Variants in MMP24 observed in about 807,000 individuals in gnomAD.
The protein encoded by MMP24 is matrix metalloproteinase-24.
A neutral mutation model predicts 62.8 loss-of-function variants in MMP24; 25 were observed. That is an observed-to-expected ratio of 0.40 (90% confidence interval 0.29 to 0.56). MMP24 has a LOEUF of 0.56. Ranked by LOEUF, MMP24 falls within the 20% of genes least tolerant of loss-of-function variation. The pLI is 0.50. For synonymous variants in MMP24, 319 were observed against 350.5 expected (o/e 0.91, Z 1.00); for missense variants, 634 against 853.6 (o/e 0.74, Z 3.21).
Position 35,269,674 on chromosome 20 carries a change from T to C in MMP24, c.1195-86T>C. On this transcript the variant is annotated intron_variant, in intron 6 of 8. Transcript: ENST00000246186. This position sits in a 1 kb window ranked among gnomAD's most constrained non-coding sequence, Gnocchi z 4.6. ...ACAGTCTCGGTGGAGGGCTGGGCTG[T>C]TGGGACCTAAGCCCCACAGCTGCAA... The C allele has an allele frequency of 2.0e-6, 3 of 1,482,234 alleles. No homozygotes were observed. Among genetic ancestry groups the C allele is most frequent in the Non-Finnish European group, 2.7e-6 (3 of 1,102,980 alleles). 91.8% of individuals were successfully genotyped at this position (1,482,234 alleles called of 1,614,324 possible). A position where few individuals can be genotyped will look rare whatever the true frequency, so the allele number is the denominator to read the frequency against.
At chr20:35,260,764 G>A (rs541711681) in intron 4 of MMP24, among the ~76,000 whole-genome samples, 1 of 152,242 alleles carries the variant, frequency 6.6e-6, no homozygotes, top group African/African-American at 2.4e-5. Flanking sequence ...TTGCTCAAAG[G>A]TGGCTTCACA....
chr20:35,232,187 C>T (rs1482431051), intron 1 of MMP24, among the ~76,000 whole-genome samples: 3 of 152,140 alleles, frequency 2.0e-5, no homozygotes. Flanking sequence ...GTATGTCCTA[C>T]TCTGGTCCTT....
At chr20:35,259,557 G>A (rs192059712) in intron 4 of MMP24, among the ~76,000 whole-genome samples, 1 of 152,312 alleles carries the variant, frequency 6.6e-6, no homozygotes, top group East Asian at 1.9e-4. Flanking sequence ...AAGGCTTCCT[G>A]GAAGACAGGC....
In MMP24 at chr20:35,246,963, G is replaced by A. The variant is rs372102289; in HGVS notation, c.370G>A (p.Gly124Ser). ...GCAGTTTTACGGGATCCCGGTCACC[G>A]GTGTGTTGGATCAGACAACGATCGA... ...MQQFYGIPVT[G>S]VLDQTTIEWM... The change falls in exon 2 of 9, where the codon GGT becomes AGT. Residue 124 changes from glycine to serine, a missense_variant. Physicochemically the swap from Gly to Ser is moderately conservative, Grantham distance 56. This residue lies in a region of MMP24 where 212 missense variants were observed against 259.6 expected (regional missense o/e 0.82). Coordinates refer to ENST00000246186, the MANE Select transcript of MMP24 (RefSeq NM_006690.4). The A allele has an allele frequency of 7.5e-5, 121 of 1,613,896 alleles. No homozygotes were observed. Among genetic ancestry groups the A allele is most frequent in the Non-Finnish European group, 9.3e-5 (110 of 1,179,898 alleles).
chr20:35,270,373 C>T (rs933083120), intron 7 of MMP24, among the ~76,000 whole-genome samples: 1 of 152,228 alleles, frequency 6.6e-6, no homozygotes, highest in African/African-American at 2.4e-5. Context: ...GGGACAACGG[C>T]TGAATAAAGG....
At chr20:35,229,766 C>G (rs2060429935) in intron 1 of MMP24, among the ~76,000 whole-genome samples, 1 of 152,076 alleles carries the variant, frequency 6.6e-6, no homozygotes, top group Admixed American at 6.6e-5. Flanking sequence ...TCTCCTTTAC[C>G]CTTAGACAGG....
intron 1 of MMP24, among the ~76,000 whole-genome samples, chr20:35,230,605 G>GTT (rs756458956): frequency 1.2e-4 from 18 of 152,116 alleles, no homozygotes; most frequent in Non-Finnish European, 7.4e-5. Flanking sequence ...TTTGGCAGTG[G>GTT]TTCCACAAGC....
chr20:35,272,171 G>A, intron 8 of MMP24: 1 of 434,800 alleles, frequency 2.3e-6, no homozygotes, highest in Non-Finnish European at 4.1e-6. Flanking sequence ...GGGCATGCAT[G>A]TTTCAAAGCC....
At chr20:35,230,666 G>T (rs1044734857) in intron 1 of MMP24, among the ~76,000 whole-genome samples, 1 of 152,084 alleles carries the variant, frequency 6.6e-6, no homozygotes, top group Non-Finnish European at 1.5e-5. Context: ...AATGGTAGTG[G>T]CATCAATAGA....
chr20:35,230,573 G>A (rs1362543077), intron 1 of MMP24, among the ~76,000 whole-genome samples: 1 of 152,062 alleles, frequency 6.6e-6, no homozygotes, highest in African/African-American at 2.4e-5. Flanking sequence ...TACTTTCTTC[G>A]GTAGAAATCA....
Position 35,246,965 on chromosome 20 carries a change from T to A in MMP24, c.372T>A (p.Gly124=), listed in dbSNP as rs1284918573. The A allele has an allele frequency of 3.1e-6, 5 of 1,613,878 alleles. No individual in the cohort carries two copies. In the East Asian group the frequency reaches 1.1e-4, roughly 36 times the overall value. The change falls in exon 2 of 9, where the codon GGT becomes GGA. Residue 124 remains glycine (G), a synonymous_variant. Coordinates refer to ENST00000246186, the MANE Select transcript of MMP24 (RefSeq NM_006690.4). ...AGTTTTACGGGATCCCGGTCACCGG[T>A]GTGTTGGATCAGACAACGATCGAGT... ...MQQFYGIPVT[G]VLDQTTIEWM...
At chr20:35,261,415 T>G (rs2060602082) in intron 4 of MMP24, among the ~76,000 whole-genome samples, 1 of 152,174 alleles carries the variant, frequency 6.6e-6, no homozygotes, top group South Asian at 2.1e-4. Context: ...GTGAGGTAGG[T>G]CTGATGCCCC....
At chr20:35,259,336 G>A (rs757612532) in intron 4 of MMP24, among the ~76,000 whole-genome samples, 11 of 152,172 alleles carry the variant, frequency 7.2e-5, no homozygotes, top group Admixed American at 1.3e-4. Flanking sequence ...GGTAAAATAC[G>A]GTGCTTTTGG....
intron 1 of MMP24, among the ~76,000 whole-genome samples, chr20:35,240,944 T>C (rs1038702332): frequency 6.6e-6 from 1 of 152,212 alleles, no homozygotes; most frequent in Non-Finnish European, 1.5e-5. Flanking sequence ...GTGGTAGCTG[T>C]GTGTACAAAG....
chr20:35,265,074 G>A (rs2060625792), intron 5 of MMP24, among the ~76,000 whole-genome samples: 1 of 152,328 alleles, frequency 6.6e-6, no homozygotes, highest in African/African-American at 2.4e-5. Context: ...TAGAACAACA[G>A]GATCTGCTGA....
Position 35,266,175 on chromosome 20 carries a change from T to TGAA in MMP24, c.980-1030_980-1029insGAA, listed in dbSNP as rs771720633. ...CAACATGGTGAAACCCCATCTCTGC[T>TGAA]AAAAAAAAAAAAAAAAAAAAAAAAA... On this transcript the variant is annotated intron_variant, in intron 5 of 8. Coordinates refer to ENST00000246186, the MANE Select transcript of MMP24 (RefSeq NM_006690.4). Among the ~76,000 whole-genome samples, 3 of 43,016 alleles carry TGAA rather than the reference T, an allele frequency of 7.0e-5. No homozygotes were observed. In the East Asian group the frequency reaches 2.6e-3, roughly 38 times the overall value. 28.2% of individuals were successfully genotyped at this position (43,016 alleles called of 152,430 possible).
chr20:35,260,649 TGA>T (rs1381161190), intron 4 of MMP24, among the ~76,000 whole-genome samples: 3 of 152,240 alleles, frequency 2.0e-5, no homozygotes, highest in Admixed American at 6.5e-5. Flanking sequence ...GGCCAGGACC[TGA>T]GTAAGGAGCT....
intron 1 of MMP24, among the ~76,000 whole-genome samples, chr20:35,232,014 G>C (rs2060440142): frequency 1.3e-5 from 2 of 152,308 alleles, no homozygotes; most frequent in Middle Eastern, 3.4e-3. Flanking sequence ...CTTCACTCCA[G>C]CCTGGGCAAA....
Position 35,252,027 on chromosome 20 carries a change from T to C in MMP24, c.512+6T>C, listed in dbSNP as rs761784630. 1.2e-6 allele frequency: 2 copies of C among 1,602,580 alleles called. No individual in the cohort carries two copies. Among genetic ancestry groups the C allele is most frequent in the South Asian group, 1.1e-5 (1 of 90,884 alleles). On this transcript the variant is annotated splice_donor_region_variant and intron_variant, in intron 3 of 8. Coordinates refer to ENST00000246186, the MANE Select transcript of MMP24 (RefSeq NM_006690.4). Reference sequence around the variant, plus strand: ...CAAAAACACATCACCTACAGGTGCTTCGACTCTCCCTCTTCCTCCCTGCCT... The same window carrying C: ...CAAAAACACATCACCTACAGGTGCTCCGACTCTCCCTCTTCCTCCCTGCCT...
Sources: gnomAD v4.1 joint callset for allele counts (sites outside exome capture counted in the v4.1 genomes callset) on GRCh38, gnomAD v4.1.1 for gene constraint, gnomAD v4.1.1 regional missense constraint, Gnocchi (gnomAD v3.1) non-coding constraint, MANE v1.5 for transcripts, NCBI Gene and HGNC (gene_info 2026-07-23, HGNC 2026-07-21) for gene names.